Variants in CAMTA1 observed in about 807,000 individuals in gnomAD.
CAMTA1 encodes the protein calmodulin-binding transcription activator 1.
Under a neutral mutation model 170.9 loss-of-function variants are expected in CAMTA1, and 27 were observed. The ratio of observed to expected loss-of-function variants is 0.16; its 90% confidence interval spans 0.12 to 0.22. The LOEUF (loss-of-function observed/expected upper bound fraction) is 0.22, where lower values mean the gene tolerates loss of function less well. CAMTA1 is among the 10% of genes least tolerant of loss of function. The probability of loss-of-function intolerance (pLI) is 1.00; values close to 1 mark genes in which losing one functional copy is unlikely to be tolerated. For missense variants in CAMTA1, 1,619 were observed against 2,217.2 expected, an observed-to-expected ratio of 0.73 and a Z score of 5.42; for synonymous variants, 833 against 891.5, an observed-to-expected ratio of 0.93 and a Z score of 1.17.
chr1:7,397,608 T>C (rs2149174737), intron 5 of CAMTA1, among the ~76,000 whole-genome samples: 1 of 152,254 alleles, frequency 6.6e-6, no homozygotes, highest in South Asian at 2.1e-4. Flanking sequence ...TTTTTTTATT[T>C]GAGATCTTTC....
chr1:7,082,885 T>C (rs1441302055), intron 3 of CAMTA1, among the ~76,000 whole-genome samples: 1 of 152,206 alleles, frequency 6.6e-6, no homozygotes, highest in Non-Finnish European at 1.5e-5. Flanking sequence ...TGCACTTGAA[T>C]GTGATAGCCC....
chr1:7,213,427 G>A (rs1221848644), intron 4 of CAMTA1, among the ~76,000 whole-genome samples: 3 of 152,098 alleles, frequency 2.0e-5, no homozygotes, highest in Non-Finnish European at 2.9e-5. Flanking sequence ...ATTACCTTTT[G>A]GAGTCCTTTG....
chr1:7,293,692 T>A lies in CAMTA1; in HGVS notation c.438+44066T>A, dbSNP rs562738755. Among the ~76,000 whole-genome samples the A allele has an allele frequency of 6.6e-6, 1 of 151,938 alleles. No homozygotes were observed. Among genetic ancestry groups the A allele is most frequent in the East Asian group, 1.9e-4 (1 of 5,158 alleles). Reference sequence around the variant, plus strand: ...CCACTTAGGACTCTCAGTGGGGGAGTCTAAACATGAATTATCCCAGCTTAA... The same window carrying A: ...CCACTTAGGACTCTCAGTGGGGGAGACTAAACATGAATTATCCCAGCTTAA... On this transcript the variant is annotated intron_variant, in intron 5 of 22. Transcript: ENST00000303635. The surrounding 1 kb of genome is among the most constrained non-coding windows in gnomAD (Gnocchi z 4.1).
intron 1 of CAMTA1, among the ~76,000 whole-genome samples, chr1:6,801,639 T>G (rs1643859120): frequency 6.6e-6 from 1 of 152,162 alleles, no homozygotes; most frequent in Non-Finnish European, 1.5e-5. Context: ...AGGGTTAAAG[T>G]GGTAAATTTT....
intron 6 of CAMTA1, among the ~76,000 whole-genome samples, chr1:7,563,139 T>C (rs2150274932): frequency 6.6e-6 from 1 of 152,334 alleles, no homozygotes; most frequent in South Asian, 2.1e-4. Context: ...GTCATCGGGC[T>C]GTAGCCCCCA....
At chr1:7,627,412 G>A (rs2095640716) in intron 6 of CAMTA1, among the ~76,000 whole-genome samples, 1 of 152,236 alleles carries the variant, frequency 6.6e-6, no homozygotes, top group South Asian at 2.1e-4. Context: ...GCAATAGTGT[G>A]AGATGACATA....
chr1:7,574,294 A>G (rs1426474080), intron 6 of CAMTA1, among the ~76,000 whole-genome samples: 3 of 152,164 alleles, frequency 2.0e-5, no homozygotes, highest in African/African-American at 7.2e-5. Context: ...AGACACTGCC[A>G]GGCGTTATAC....
chr1:7,416,546 T>C (rs539596737), intron 5 of CAMTA1, among the ~76,000 whole-genome samples: 3 of 152,364 alleles, frequency 2.0e-5, no homozygotes, highest in Non-Finnish European at 4.4e-5. Context: ...TTCCAGTTGA[T>C]TGCATTGGCT....
chr1:7,294,517 C>T (rs1245519316), intron 5 of CAMTA1, among the ~76,000 whole-genome samples: 1 of 152,186 alleles, frequency 6.6e-6, no homozygotes, highest in Non-Finnish European at 1.5e-5. Context: ...GCTCATATTC[C>T]TCGGTGAGAC....
chr1:7,690,820 A>G (rs547546231), intron 11 of CAMTA1, among the ~76,000 whole-genome samples: 1 of 152,246 alleles, frequency 6.6e-6, no homozygotes, highest in African/African-American at 2.4e-5. Context: ...GTGCGACCCC[A>G]TCATCCGCTC....
rs958435671 is a variant in CAMTA1 at position 7,333,965 on chromosome 1, G to T, written c.438+84339G>T. Reference sequence around the variant, plus strand: ...GGCCGCCTCTCTTTAGACTCCTGGGGCTCTCTGCTCTCCAGCCTGATGTGG... The same window carrying T: ...GGCCGCCTCTCTTTAGACTCCTGGGTCTCTCTGCTCTCCAGCCTGATGTGG... On this transcript the variant is annotated intron_variant, in intron 5 of 22. Coordinates refer to ENST00000303635, the MANE Select transcript of CAMTA1 (RefSeq NM_015215.4). The surrounding 1 kb of genome is among the most constrained non-coding windows in gnomAD (Gnocchi z 4.4). Among the ~76,000 whole-genome samples the T allele has an allele frequency of 6.6e-6, 1 of 152,138 alleles. No individual in the cohort carries two copies. Among genetic ancestry groups the T allele is most frequent in the Admixed American group, 6.5e-5 (1 of 15,278 alleles).
At chr1:7,745,148 G>T (rs2071986) in intron 17 of CAMTA1, 126 bp downstream of exon 17, 604,857 of 878,666 alleles carry the variant, frequency 0.69, 211,188 homozygotes, top group Admixed American at 0.76. Flanking sequence ...AAGGAAGCAT[G>T]AGGACAAGCT....
Position 7,748,490 on chromosome 1 carries a change from T to C in CAMTA1, c.4689+709T>C, listed in dbSNP as rs1244359217. On this transcript the variant is annotated intron_variant, in intron 19 of 22. Transcript: ENST00000303635. The surrounding 1 kb of genome is among the most constrained non-coding windows in gnomAD (Gnocchi z 4.7). ...TGATCTTTTAGTAATATTACCTACC[T>C]GAGATACTGGTCTGATCCTAACACC... is the stretch of plus-strand genomic sequence containing the variant. 1.3e-5 allele frequency among the ~76,000 whole-genome samples: 2 copies of C among 152,202 alleles called. No individual in the cohort carries two copies. The highest frequency in any genetic ancestry group is 2.9e-5 in the Non-Finnish European group (2 of 68,034).
intron 3 of CAMTA1, among the ~76,000 whole-genome samples, chr1:6,915,459 G>C (rs1053131507): frequency 1.3e-5 from 2 of 152,180 alleles, no homozygotes. Context: ...CCTGATGTGG[G>C]GGCATTGGTA....
rs150207678 is a variant in CAMTA1, at chr1:7,230,635, G to T, written c.303-18856G>T. Among the ~76,000 whole-genome samples, 254 of 152,304 alleles carry T rather than the reference G, an allele frequency of 1.7e-3. 2 individuals carry two copies. The highest frequency in any genetic ancestry group is 5.9e-3 in the African/African-American group (244 of 41,554). On this transcript the variant is annotated intron_variant, in intron 4 of 22. Transcript: ENST00000303635. ...AGAAAATCATTGTTTAGCCAAGGAG[G>T]TGGAGGGTGGAGGGTTATCCCTCAG...
At chr1:7,670,058 G>A (rs1428294615) in intron 9 of CAMTA1, among the ~76,000 whole-genome samples, 1 of 152,176 alleles carries the variant, frequency 6.6e-6, no homozygotes, top group East Asian at 1.9e-4. Context: ...GCCCCTGGGC[G>A]CCCTGGGAGG....
At chr1:6,859,509 G>A (rs954719642) in intron 3 of CAMTA1, among the ~76,000 whole-genome samples, 1 of 152,176 alleles carries the variant, frequency 6.6e-6, no homozygotes, top group African/African-American at 2.4e-5. Context: ...GTTGTACCAG[G>A]CCAGGTGCAG....
chr1:7,282,158 A>T (rs890004005), intron 5 of CAMTA1, among the ~76,000 whole-genome samples: 1 of 152,164 alleles, frequency 6.6e-6, no homozygotes, highest in African/African-American at 2.4e-5. Flanking sequence ...CATAGACTAT[A>T]TTAAAAATAC....
At chr1:6,960,451 G>A (rs1329326944) in intron 3 of CAMTA1, among the ~76,000 whole-genome samples, 3 of 152,130 alleles carry the variant, frequency 2.0e-5, no homozygotes, top group African/African-American at 7.2e-5. Context: ...CCGGTGGCTG[G>A]ATTGATTTTC....
Sources: allele counts gnomAD v4.1 joint callset (sites outside exome capture counted in the v4.1 genomes callset), GRCh38; gene constraint gnomAD v4.1.1; non-coding constraint Gnocchi (gnomAD v3.1); transcripts MANE v1.5; gene names NCBI Gene and HGNC (gene_info 2026-07-23, HGNC 2026-07-21).